The following ZNRF2 variants were observed in gnomAD, a reference collection of about 807,000 sequenced individuals.
ZNRF2 encodes zinc and ring finger 2.
Under a neutral mutation model 20.4 loss-of-function variants are expected in ZNRF2, and 16 were observed. The observed-to-expected ratio is 0.79, with a 90% confidence interval of 0.53 to 1.19. ZNRF2 has a LOEUF of 1.19. Ranked by LOEUF, ZNRF2 falls within the 50% of genes most tolerant of loss-of-function variation. The pLI is 0.00. For missense variants in ZNRF2, 363 were observed against 332.4 expected (o/e 1.09, Z -0.72); for synonymous variants, 178 against 144.9 (o/e 1.23, Z -1.64).
chr7:30,330,295 A>G (rs187367482), intron 2 of ZNRF2, among the ~76,000 whole-genome samples: 1 of 152,340 alleles, frequency 6.6e-6, no homozygotes, highest in East Asian at 1.9e-4. Context: ...GCTATTCAGA[A>G]TCATCAGAAA....
At chr7:30,322,497 T>C (rs114167341) in intron 1 of ZNRF2, among the ~76,000 whole-genome samples, 42 of 152,330 alleles carry the variant, frequency 2.8e-4, no homozygotes, top group African/African-American at 9.9e-4. Context: ...TCTAGCTTCA[T>C]GTGGCCTTCT....
At chr7:30,301,700 T>A (rs67731472) in intron 1 of ZNRF2, among the ~76,000 whole-genome samples, 21,656 of 115,048 alleles carry the variant, frequency 0.19, 2,246 homozygotes, top group Non-Finnish European at 0.25. Flanking sequence ...AGGCTTTTTT[T>A]AAAAAAAAAA....
At chr7:30,360,823 C>T (rs1330367342) in intron 3 of ZNRF2, among the ~76,000 whole-genome samples, 1 of 152,084 alleles carries the variant, frequency 6.6e-6, no homozygotes, top group Admixed American at 6.6e-5. Context: ...AAATTTTAAA[C>T]ATGGAAGCAG....
Position 30,285,911 on chromosome 7 carries a change from C to A in ZNRF2, c.469+85C>A, listed in dbSNP as rs1420237150. 6.7e-6 allele frequency: 9 copies of A among 1,339,986 alleles called. No individual in the cohort carries two copies. In the African/African-American group the frequency reaches 1.4e-4, roughly 21 times the overall value. 83.0% of individuals were successfully genotyped at this position (1,339,986 alleles called of 1,614,324 possible). A position where few individuals can be genotyped will look rare whatever the true frequency, so the allele number is the denominator to read the frequency against. The stretch of plus-strand genomic sequence containing the variant: ...GCCGCCGGCTATTTTTACCCTTCTC[C>A]TTTTCTCCTTCTGCCGGGGCGCCGG... On this transcript the variant is annotated intron_variant, in intron 1 of 4. Coordinates refer to ENST00000323037, the MANE Select transcript of ZNRF2 (RefSeq NM_147128.4).
intron 1 of ZNRF2, among the ~76,000 whole-genome samples, chr7:30,316,288 CAAAA>C (rs60218988): frequency 1.9e-3 from 52 of 27,476 alleles, no homozygotes; most frequent in South Asian, 7.2e-3. Flanking sequence ...AACTCCATCT[CAAAA>C]AAAAAAAAAA....
At chr7:30,330,741 G>GA (rs1430628259) in intron 2 of ZNRF2, among the ~76,000 whole-genome samples, 3 of 151,038 alleles carry the variant, frequency 2.0e-5, no homozygotes, top group Non-Finnish European at 4.4e-5. Flanking sequence ...GATGCTTTCT[G>GA]AAATTGGCAT....
intron 1 of ZNRF2, among the ~76,000 whole-genome samples, chr7:30,286,649 G>A (rs189827156): frequency 6.6e-5 from 10 of 152,194 alleles, no homozygotes; most frequent in Admixed American, 6.5e-4. Context: ...GTTGTCCTGG[G>A]GAAAATGAAT....
intron 2 of ZNRF2, among the ~76,000 whole-genome samples, chr7:30,345,322 A>G (rs1344451281): frequency 6.6e-6 from 1 of 151,280 alleles, no homozygotes; most frequent in Non-Finnish European, 1.5e-5. Context: ...CATTTTTGTA[A>G]TAGCTTTTTT....
chr7:30,364,364 C>T (rs1311770855), intron 4 of ZNRF2, among the ~76,000 whole-genome samples: 1 of 152,116 alleles, frequency 6.6e-6, no homozygotes, highest in Non-Finnish European at 1.5e-5. Context: ...TGCCTTGACA[C>T]ATTTAAAATA....
intron 1 of ZNRF2, among the ~76,000 whole-genome samples, chr7:30,295,458 C>T (rs1799003948): frequency 6.6e-6 from 1 of 152,108 alleles, no homozygotes; most frequent in Non-Finnish European, 1.5e-5. Flanking sequence ...ACCTGTAACC[C>T]CCAGAACTCT....
At chr7:30,321,114 C>T (rs946049928) in intron 1 of ZNRF2, among the ~76,000 whole-genome samples, 2 of 151,706 alleles carry the variant, frequency 1.3e-5, no homozygotes, top group Admixed American at 6.6e-5. Flanking sequence ...TCCGAATATT[C>T]TTTGTTGTTG....
chr7:30,339,624 T>TA (rs1799765604), intron 2 of ZNRF2, among the ~76,000 whole-genome samples: 1 of 152,200 alleles, frequency 6.6e-6, no homozygotes, highest in Non-Finnish European at 1.5e-5. Flanking sequence ...TTGCTCTATA[T>TA]ATCTGTTTTG....
intron 3 of ZNRF2, among the ~76,000 whole-genome samples, chr7:30,358,099 A>G (rs1458928661): frequency 2.0e-5 from 3 of 151,990 alleles, no homozygotes; most frequent in South Asian, 2.1e-4. Flanking sequence ...AAGAAACATT[A>G]ACTCAATAAA....
chr7:30,313,708 C>G (rs552798169), intron 1 of ZNRF2, among the ~76,000 whole-genome samples: 2 of 152,144 alleles, frequency 1.3e-5, no homozygotes, highest in South Asian at 4.2e-4. Context: ...AGGCATCCTC[C>G]TATTCTGTAG....
chr7:30,359,555 G>GCA (rs1611046), intron 3 of ZNRF2, among the ~76,000 whole-genome samples: 22,789 of 152,028 alleles, frequency 0.15, 3,559 homozygotes, highest in African/African-American at 0.4. Context: ...GCAGATGAAA[G>GCA]TATATGCTAA....
At chr7:30,295,598 T>C (rs146360610) in intron 1 of ZNRF2, among the ~76,000 whole-genome samples, 2 of 152,096 alleles carry the variant, frequency 1.3e-5, no homozygotes, top group African/African-American at 4.8e-5. Flanking sequence ...TAGTCCCAGC[T>C]ACTCCAGAGG....
At chr7:30,292,404 G>T (rs73685992) in intron 1 of ZNRF2, among the ~76,000 whole-genome samples, 1,754 of 152,130 alleles carry the variant, frequency 0.012, 33 homozygotes, top group African/African-American at 0.039. Flanking sequence ...ATTTAATGAG[G>T]ACGCGCTTTT....
intron 2 of ZNRF2, among the ~76,000 whole-genome samples, 172 bp downstream of exon 2, chr7:30,323,909 CA>C (rs1446249892): frequency 1.3e-5 from 2 of 152,112 alleles, no homozygotes; most frequent in South Asian, 4.1e-4. Context: ...CTTTACACTT[CA>C]AAAAATTACT....
At chr7:30,333,706 G>A (rs1012530055) in intron 2 of ZNRF2, among the ~76,000 whole-genome samples, 2 of 152,172 alleles carry the variant, frequency 1.3e-5, no homozygotes, top group South Asian at 2.1e-4. Flanking sequence ...TCTGACTTGC[G>A]TGAGGTGGTA....
Sources: gnomAD v4.1 joint callset for allele counts (sites outside exome capture counted in the v4.1 genomes callset) on GRCh38, gnomAD v4.1.1 for gene constraint, MANE v1.5 for transcripts, NCBI Gene and HGNC (gene_info 2026-07-23, HGNC 2026-07-21) for gene names.